Variants in ATG10 observed in about 807,000 individuals in gnomAD.
ATG10 encodes autophagy related 10.
ATG10 carries 30 observed loss-of-function variants against 32.1 expected under a neutral mutation model. The observed-to-expected ratio is 0.94, with a 90% CI of 0.70 to 1.27. ATG10 has a LOEUF of 1.27. ATG10 is among the 50% of genes most tolerant of loss of function. The pLI is 0.00. For synonymous variants in ATG10, 87 were observed against 91.5 expected, an observed-to-expected ratio of 0.95 and a Z score of 0.28; for missense variants, 233 against 262.3, an observed-to-expected ratio of 0.89 and a Z score of 0.77.
chr5:82,180,358 T>C (rs1412910144), intron 5 of ATG10, among the ~76,000 whole-genome samples: 1 of 152,164 alleles, frequency 6.6e-6, no homozygotes, highest in Non-Finnish European at 1.5e-5. Flanking sequence ...TGTCCTCTCA[T>C]ACATTCCCTT....
chr5:82,164,830 C>T (rs559534278), intron 4 of ATG10, among the ~76,000 whole-genome samples: 46 of 152,276 alleles, frequency 3.0e-4, no homozygotes, highest in African/African-American at 9.9e-4. Context: ...CAAGTAGGAA[C>T]AACTTAAAGC....
At chr5:82,065,432 A>C (rs893319879) in intron 3 of ATG10, among the ~76,000 whole-genome samples, 12 of 151,864 alleles carry the variant, frequency 7.9e-5, no homozygotes, top group Admixed American at 6.6e-4. Context: ...TAGTGAGCCG[A>C]GATTGCACCA....
In ATG10 at chr5:82,001,673, A is replaced by T. The variant is rs57372364; in HGVS notation, c.108+13995A>T. Among the ~76,000 whole-genome samples, 860 of 152,266 alleles carry T rather than the reference A, an allele frequency of 5.6e-3. 13 individuals carry two copies. Among genetic ancestry groups the T allele is most frequent in the African/African-American group, 0.019 (804 of 41,562 alleles). Reference sequence around the variant, plus strand: ...ATCGATTAAAGACTTAAAAGCAAAAACTATAAAAACTCTGGATGATAGCCT... The same window carrying T: ...ATCGATTAAAGACTTAAAAGCAAAATCTATAAAAACTCTGGATGATAGCCT... On this transcript the variant is annotated intron_variant, in intron 2 of 7. Transcript: ENST00000282185.
chr5:82,019,334 G>A (rs763863670), intron 2 of ATG10, among the ~76,000 whole-genome samples: 1 of 151,990 alleles, frequency 6.6e-6, no homozygotes, highest in Non-Finnish European at 1.5e-5. Flanking sequence ...ATAATGATAT[G>A]CAGCATAGTA....
intron 2 of ATG10, among the ~76,000 whole-genome samples, chr5:82,041,603 G>C (rs532563786): frequency 6.6e-6 from 1 of 152,210 alleles, no homozygotes; most frequent in East Asian, 1.9e-4. Context: ...TAAACATATA[G>C]TATGTAAAAC....
intron 2 of ATG10, among the ~76,000 whole-genome samples, chr5:82,018,768 C>T (rs1027061288): frequency 1.3e-5 from 2 of 152,156 alleles, no homozygotes; most frequent in African/African-American, 4.8e-5. Flanking sequence ...ATGAGGCCTC[C>T]CTGCCTGCCC....
At chr5:82,142,421 G>T (rs2149867278) in intron 3 of ATG10, among the ~76,000 whole-genome samples, 1 of 152,276 alleles carries the variant, frequency 6.6e-6, no homozygotes, top group Non-Finnish European at 1.5e-5. Flanking sequence ...TTTGATGGGA[G>T]CTCTTCTTGG....
intron 2 of ATG10, among the ~76,000 whole-genome samples, chr5:82,014,317 T>A (rs891441444): frequency 1.4e-4 from 21 of 152,174 alleles, no homozygotes; most frequent in Non-Finnish European, 2.9e-4. Flanking sequence ...TGATTTGGGG[T>A]GGAGAGTTCT....
At chr5:81,986,973 A>G (rs1397231257) in intron 1 of ATG10, among the ~76,000 whole-genome samples, 1 of 152,064 alleles carries the variant, frequency 6.6e-6, no homozygotes, top group African/African-American at 2.4e-5. Flanking sequence ...AACCTGGAAG[A>G]TGAAGATTGC....
At chr5:82,151,087 T>G (rs1767575933) in intron 3 of ATG10, among the ~76,000 whole-genome samples, 1 of 152,228 alleles carries the variant, frequency 6.6e-6, no homozygotes, top group African/African-American at 2.4e-5. Flanking sequence ...TTAAAGTGAA[T>G]GCATGCCCCC....
chr5:82,232,615 C>T (rs1467784302), intron 5 of ATG10, among the ~76,000 whole-genome samples: 1 of 152,172 alleles, frequency 6.6e-6, no homozygotes, highest in Non-Finnish European at 1.5e-5. Flanking sequence ...CAATATATCT[C>T]AAATCCATTT....
At chr5:82,043,358 A>G (rs1032249463) in intron 2 of ATG10, among the ~76,000 whole-genome samples, 1 of 151,894 alleles carries the variant, frequency 6.6e-6, no homozygotes, top group Non-Finnish European at 1.5e-5. Flanking sequence ...CCACAGAACC[A>G]TTTTTCCTTC....
chr5:82,214,192 A>G (rs17245672), intron 5 of ATG10, among the ~76,000 whole-genome samples: 1 of 152,206 alleles, frequency 6.6e-6, no homozygotes, highest in South Asian at 2.1e-4. Context: ...CTTAGAATAC[A>G]TCATAATCAC....
intron 5 of ATG10, among the ~76,000 whole-genome samples, chr5:82,238,160 C>T (rs1247927399): frequency 6.6e-6 from 1 of 152,164 alleles, no homozygotes; most frequent in African/African-American, 2.4e-5. Flanking sequence ...GTCCTTGGAA[C>T]ACCCTCCACC....
At chr5:82,084,082 G>A (rs1324639370) in intron 3 of ATG10, among the ~76,000 whole-genome samples, 1 of 152,060 alleles carries the variant, frequency 6.6e-6, no homozygotes, top group African/African-American at 2.4e-5. Flanking sequence ...TAAAAACCTG[G>A]AAAAAAGATT....
intron 2 of ATG10, among the ~76,000 whole-genome samples, chr5:82,048,788 C>T (rs976421105): frequency 2.1e-4 from 32 of 152,308 alleles, no homozygotes; most frequent in African/African-American, 7.5e-4. Flanking sequence ...GCCAAAAGCA[C>T]ATGAAACAAT....
At chr5:82,131,568 T>C (rs930058059) in intron 3 of ATG10, among the ~76,000 whole-genome samples, 1 of 152,052 alleles carries the variant, frequency 6.6e-6, no homozygotes, top group Non-Finnish European at 1.5e-5. Flanking sequence ...GAAAGTACTT[T>C]GGAATATTAT....
intron 2 of ATG10, chr5:82,010,225 A>T (rs1366372351): frequency 1.3e-6 from 1 of 765,064 alleles, no homozygotes; most frequent in South Asian, 1.8e-5. Flanking sequence ...GTAAAAATGG[A>T]GGGGAAAAAT....
At chr5:82,008,855 ATTTG>A (rs937519741) in intron 2 of ATG10, among the ~76,000 whole-genome samples, 24 of 152,180 alleles carry the variant, frequency 1.6e-4, no homozygotes, top group African/African-American at 3.6e-4. Flanking sequence ...TATATATTTT[ATTTG>A]TTTATTACAT....
Sources: gnomAD v4.1 joint callset for allele counts (sites outside exome capture counted in the v4.1 genomes callset) on GRCh38, gnomAD v4.1.1 for gene constraint, MANE v1.5 for transcripts, NCBI Gene and HGNC (gene_info 2026-07-23, HGNC 2026-07-21) for gene names.